The following CCBE1 variants were observed in gnomAD, a reference collection of about 807,000 sequenced individuals.
CCBE1 encodes collagen and calcium binding EGF domains 1.
In CCBE1, 37 loss-of-function variants were observed where a neutral mutation model predicts 50.0. The observed-to-expected ratio is 0.74, with a 90% confidence interval of 0.57 to 0.97. CCBE1 has a LOEUF of 0.97. CCBE1 is among the 50% of genes least tolerant of loss of function. The pLI is 0.00. For missense variants in CCBE1, 538 were observed against 523.8 expected (o/e 1.03, Z -0.26); for synonymous variants, 234 against 203.7 (o/e 1.15, Z -1.27).
chr18:59,506,734 C>G (rs1043275081), intron 2 of CCBE1, among the ~76,000 whole-genome samples: 2 of 152,258 alleles, frequency 1.3e-5, no homozygotes, highest in East Asian at 3.9e-4. Flanking sequence ...AGACCAGCCT[C>G]CTGGGGTGGA....
chr18:59,570,255 A>T (rs1439627471), intron 2 of CCBE1, among the ~76,000 whole-genome samples: 1 of 152,222 alleles, frequency 6.6e-6, no homozygotes, highest in Non-Finnish European at 1.5e-5. Context: ...GTCATCAAGC[A>T]CAACCCACAA....
intron 2 of CCBE1, among the ~76,000 whole-genome samples, chr18:59,547,766 G>C (rs529041277): frequency 1.3e-5 from 2 of 152,286 alleles, no homozygotes; most frequent in South Asian, 2.1e-4. Context: ...CAGTGGTGTG[G>C]GCTACGTCTG....
At position 59,535,625 on chromosome 18, in the gene CCBE1, T is replaced by C. The variant is rs114607521; in HGVS notation, c.213-55387A>G. Among the ~76,000 whole-genome samples, 673 of 152,126 alleles carry C rather than the reference T, an allele frequency of 4.4e-3. 3 individuals carry two copies. The highest frequency in any genetic ancestry group is 0.015 in the African/African-American group (636 of 41,486). On this transcript the variant is annotated intron_variant, in intron 2 of 10. Transcript: ENST00000439986. ...AGCAATGCTCTTAATAGCTGAAAAA[T>C]TTGGAAGCAACCCAAATGTTCAACA...
chr18:59,438,790 G>A (rs1910275294), intron 9 of CCBE1, among the ~76,000 whole-genome samples: 1 of 152,186 alleles, frequency 6.6e-6, no homozygotes, highest in Non-Finnish European at 1.5e-5. Context: ...TCTGCTGCAT[G>A]CAAAATGGGG....
At chr18:59,616,545 C>A (rs907616731) in intron 2 of CCBE1, among the ~76,000 whole-genome samples, 2 of 152,208 alleles carry the variant, frequency 1.3e-5, no homozygotes, top group African/African-American at 4.8e-5. Flanking sequence ...ACAGGCAGTG[C>A]CATCTTGGCT....
chr18:59,443,553 G>A (rs113297605), intron 7 of CCBE1, among the ~76,000 whole-genome samples: 12 of 150,542 alleles, frequency 8.0e-5, no homozygotes, highest in East Asian at 1.9e-4. Flanking sequence ...TGCAACCTCC[G>A]CTTCCCAGGT....
intron 2 of CCBE1, among the ~76,000 whole-genome samples, chr18:59,578,898 T>C (rs2053041858): frequency 6.6e-6 from 1 of 152,182 alleles, no homozygotes. Context: ...AGTTTACCTA[T>C]GTAACGAACC....
rs1911314083 is a variant in CCBE1 at position 59,458,586 on chromosome 18, T to C, written c.554-3635A>G. 3.9e-5 allele frequency among the ~76,000 whole-genome samples: 6 copies of C among 152,378 alleles called. No homozygotes were observed. In the South Asian group the frequency reaches 1.2e-3, roughly 32 times the overall value. On this transcript the variant is annotated intron_variant, in intron 5 of 10. Transcript: ENST00000439986. ...TCTTTAGTTCAATCTCTTTTGTAGA[T>C]GACAGTGAGATCCAGAGAGAGACAG...
chr18:59,478,919 C>A (rs368697872), intron 3 of CCBE1, among the ~76,000 whole-genome samples: 41 of 152,214 alleles, frequency 2.7e-4, no homozygotes, highest in African/African-American at 9.4e-4. Flanking sequence ...AACACCACAT[C>A]AACCATCACA....
chr18:59,621,485 G>T (rs1056674773), intron 2 of CCBE1, among the ~76,000 whole-genome samples: 2 of 152,186 alleles, frequency 1.3e-5, no homozygotes, highest in Admixed American at 6.5e-5. Flanking sequence ...GTACACAGAG[G>T]CAGCAGACAT....
chr18:59,688,105 G>A (rs551951448), intron 2 of CCBE1: 5 of 151,960 alleles, frequency 3.3e-5, no homozygotes, highest in East Asian at 1.9e-4. Context: ...TTTTTCCCTC[G>A]ATGGGTATTC....
chr18:59,485,314 T>A (rs536946812), intron 2 of CCBE1, among the ~76,000 whole-genome samples: 25 of 151,228 alleles, frequency 1.7e-4, no homozygotes, highest in African/African-American at 5.8e-4. Context: ...CAGCCAGGAG[T>A]GTGTGTGAGC....
intron 10 of CCBE1, among the ~76,000 whole-genome samples, chr18:59,437,135 A>G (rs1910195372): frequency 6.6e-6 from 1 of 152,164 alleles, no homozygotes; most frequent in Admixed American, 6.5e-5. Flanking sequence ...TTTTCTATGT[A>G]TTGAGTATCC....
chr18:59,545,035 A>T (rs1915627028), intron 2 of CCBE1, among the ~76,000 whole-genome samples: 1 of 152,212 alleles, frequency 6.6e-6, no homozygotes, highest in Non-Finnish European at 1.5e-5. Context: ...AGGTCATAAG[A>T]TATGCCTTTT....
chr18:59,472,802 AG>A (rs2143744000), intron 3 of CCBE1, among the ~76,000 whole-genome samples: 1 of 152,370 alleles, frequency 6.6e-6, no homozygotes, highest in Admixed American at 6.5e-5. Context: ...TATAAAGGAA[AG>A]AGGTTTAACT....
intron 2 of CCBE1, among the ~76,000 whole-genome samples, chr18:59,654,130 G>T: frequency 6.6e-6 from 1 of 152,204 alleles, no homozygotes; most frequent in Non-Finnish European, 1.5e-5. Flanking sequence ...GTACTGATGG[G>T]ATAAACAGTG....
At chr18:59,542,047 G>A (rs1003197162) in intron 2 of CCBE1, among the ~76,000 whole-genome samples, 2 of 151,882 alleles carry the variant, frequency 1.3e-5, no homozygotes, top group Admixed American at 6.6e-5. Flanking sequence ...ATGGTAGCAC[G>A]TCTGTAGTCC....
At chr18:59,492,216 T>G (rs1014994909) in intron 2 of CCBE1, among the ~76,000 whole-genome samples, 2 of 151,124 alleles carry the variant, frequency 1.3e-5, no homozygotes, top group East Asian at 1.9e-4. Context: ...ATAATCCACA[T>G]GCATATTTTA....
intron 2 of CCBE1, among the ~76,000 whole-genome samples, chr18:59,650,803 G>A (rs921324282): frequency 6.6e-6 from 1 of 151,392 alleles, no homozygotes; most frequent in African/African-American, 2.4e-5. Context: ...TCCTGTACCT[G>A]GGCAAGGGGC....
Sources: allele counts gnomAD v4.1 joint callset (sites outside exome capture counted in the v4.1 genomes callset), GRCh38; gene constraint gnomAD v4.1.1; transcripts MANE v1.5; gene names NCBI Gene and HGNC (gene_info 2026-07-23, HGNC 2026-07-21).